The following MYCBP2 variants were observed in gnomAD, a reference collection of about 807,000 sequenced individuals.
MYCBP2 encodes MYC binding protein 2.
Under a neutral mutation model 525.3 loss-of-function variants are expected in MYCBP2, and 120 were observed. The ratio of observed to expected loss-of-function variants is 0.23; its 90% confidence interval spans 0.20 to 0.27. MYCBP2 has a LOEUF of 0.27. Among genes scored for constraint, MYCBP2 ranks in the 10% least tolerant of loss-of-function variants. MYCBP2 has a pLI of 1.00. For synonymous variants in MYCBP2, 1,894 were observed against 1,955.8 expected (o/e 0.97, Z 0.83); for missense variants, 4,149 against 5,657.1 (o/e 0.73, Z 8.55).
intron 14 of MYCBP2, among the ~76,000 whole-genome samples, chr13:77,256,960 A>G (rs569030420): frequency 6.6e-6 from 1 of 152,306 alleles, no homozygotes; most frequent in Non-Finnish European, 1.5e-5. Context: ...TATTCACAAT[A>G]GCCAAGATTT....
At chr13:77,154,055 T>C (rs1314935926) in intron 46 of MYCBP2, among the ~76,000 whole-genome samples, 1 of 152,196 alleles carries the variant, frequency 6.6e-6, no homozygotes, top group Admixed American at 6.5e-5. Context: ...AATAATTAGC[T>C]ATTACTGCAT....
intron 43 of MYCBP2, among the ~76,000 whole-genome samples, chr13:77,164,202 T>C (rs1169311305): frequency 6.6e-6 from 1 of 152,176 alleles, no homozygotes; most frequent in African/African-American, 2.4e-5. Context: ...ATATACACAC[T>C]ATACCCACTG....
chr13:77,239,183 AATAAG>A (rs2068444093), intron 17 of MYCBP2, among the ~76,000 whole-genome samples: 1 of 152,222 alleles, frequency 6.6e-6, no homozygotes, highest in Non-Finnish European at 1.5e-5. Flanking sequence ...AGACTTGGTA[AATAAG>A]ATGAGACAGA....
At chr13:77,233,411 C>T (rs763000577) in intron 17 of MYCBP2, 148 bp from the exon 18 acceptor site, 2 of 587,958 alleles carry the variant, frequency 3.4e-6, no homozygotes, top group East Asian at 2.9e-5. Flanking sequence ...CCCACTCCAG[C>T]CCCCCACCCC....
intron 26 of MYCBP2, among the ~76,000 whole-genome samples, chr13:77,199,155 A>AGACAGTGGGAGCAG: frequency 6.6e-6 from 1 of 152,248 alleles, no homozygotes; most frequent in South Asian, 2.1e-4. Flanking sequence ...AGGGAGTGCC[A>AGACAGTGGGAGCAG]GACAGTGGGA....
At chr13:77,242,591 C>G (rs1218343379) in intron 17 of MYCBP2, among the ~76,000 whole-genome samples, 1 of 152,130 alleles carries the variant, frequency 6.6e-6, no homozygotes, top group Non-Finnish European at 1.5e-5. Context: ...ATGTGCTGAA[C>G]TGGAGGGCAG....
chr13:77,060,651 T>C (rs953507165), intron 76 of MYCBP2, among the ~76,000 whole-genome samples: 17 of 152,370 alleles, frequency 1.1e-4, no homozygotes, highest in South Asian at 4.1e-4. Context: ...TTTTGTTTTA[T>C]GTCTATTCAT....
At chr13:77,265,864 C>T (rs2073992489) in intron 8 of MYCBP2, among the ~76,000 whole-genome samples, 1 of 152,098 alleles carries the variant, frequency 6.6e-6, no homozygotes, top group African/African-American at 2.4e-5. Flanking sequence ...ATATTTTAAG[C>T]TTGTATCTTC....
chr13:77,186,172 T>C (rs2060695112), intron 30 of MYCBP2, 109 bp from the exon 31 acceptor site: 1 of 758,550 alleles, frequency 1.3e-6, no homozygotes, highest in Non-Finnish European at 1.9e-6. Context: ...TTTGAATTTT[T>C]TTACTGAGTT....
In MYCBP2 at chr13:77,278,872, T is replaced by C; in HGVS notation, c.634A>G (p.Lys212Glu). 6.3e-7 allele frequency: 1 copy of C among 1,596,434 alleles called. No individual in the cohort carries two copies. The highest frequency in any genetic ancestry group is 1.4e-5 in the African/African-American group (1 of 73,952). The change falls in exon 4 of 83, where the codon AAA (lysine) becomes GAA (glutamate). Residue 212 changes from lysine (K) to glutamate (E), a missense_variant. Coordinates refer to ENST00000544440, the MANE Select transcript of MYCBP2 (RefSeq NM_015057.5). ...GATGGATGAGAAAATCGTGTCTCTT[T>C]GATCAATTCAAAAACTTCACAAAGG... is the stretch of plus-strand genomic sequence containing the variant. ...VGLCEVFELI[K>E]ETRFSHPSLC...
chr13:77,065,508 A>C (rs1003931814), intron 72 of MYCBP2, among the ~76,000 whole-genome samples: 2 of 152,232 alleles, frequency 1.3e-5, no homozygotes, highest in Non-Finnish European at 2.9e-5. Context: ...GCAACTAATC[A>C]GAGCCAGGCA....
chr13:77,088,865 T>C lies in MYCBP2; in HGVS notation c.10692A>G (p.Leu3564=). The C allele has an allele frequency of 6.2e-7, 1 of 1,612,872 alleles. No homozygotes were observed. The highest frequency in any genetic ancestry group is 2.2e-5 in the East Asian group (1 of 44,822). Residue 3564 remains leucine (L), a synonymous_variant, in exon 61 of 83, where the codon CTA becomes CTG. Transcript: ENST00000544440. Reference sequence around the variant, plus strand: ...CAAAAACTCGACAAGCAGATTTCCTTAGGGCCTGTTTCATTGCTATTTCAA... The same window carrying C: ...CAAAAACTCGACAAGCAGATTTCCTCAGGGCCTGTTTCATTGCTATTTCAA... ...EGLEIAMKQA[L]RKSACRVFAM...
chr13:77,318,034 CT>C (rs1229511155), intron 1 of MYCBP2, among the ~76,000 whole-genome samples: 15 of 152,056 alleles, frequency 9.9e-5, no homozygotes, highest in African/African-American at 3.6e-4. Context: ...GAAATGATCC[CT>C]GTAGTAGAGG....
intron 82 of MYCBP2, among the ~76,000 whole-genome samples, chr13:77,046,653 C>A (rs2035622197): frequency 6.6e-6 from 1 of 152,126 alleles, no homozygotes. Flanking sequence ...AAAGTAAGTT[C>A]TGTACAAGAG....
At chr13:77,048,309 C>T (rs922750657) in intron 82 of MYCBP2, among the ~76,000 whole-genome samples, 33 of 152,164 alleles carry the variant, frequency 2.2e-4, no homozygotes, top group African/African-American at 5.8e-4. Context: ...AGATCTTAGA[C>T]TTCCTGGTCT....
chr13:77,082,291 A>T, intron 63 of MYCBP2: 1 of 245,512 alleles, frequency 4.1e-6, no homozygotes, highest in Non-Finnish European at 7.9e-6. Flanking sequence ...TATTGTGTAA[A>T]CAAGTGGTAC....
chr13:77,188,427 AC>A (rs2060962058), intron 30 of MYCBP2, among the ~76,000 whole-genome samples: 1 of 152,212 alleles, frequency 6.6e-6, no homozygotes, highest in African/African-American at 2.4e-5. Flanking sequence ...CTCAATTAAT[AC>A]ATGAGAGATC....
At chr13:77,207,710 T>A (rs2063512029) in intron 23 of MYCBP2, among the ~76,000 whole-genome samples, 1 of 152,332 alleles carries the variant, frequency 6.6e-6, no homozygotes, top group Middle Eastern at 3.4e-3. Context: ...GCATTAATAT[T>A]ATTGCATTAT....
intron 14 of MYCBP2, among the ~76,000 whole-genome samples, chr13:77,255,830 T>C (rs1286966774): frequency 6.6e-6 from 1 of 152,024 alleles, no homozygotes; most frequent in Admixed American, 6.6e-5. Flanking sequence ...CCAGGTTTTG[T>C]TAATTTATAC....
Sources: allele counts gnomAD v4.1 joint callset (sites outside exome capture counted in the v4.1 genomes callset), GRCh38; gene constraint gnomAD v4.1.1; transcripts MANE v1.5; gene names NCBI Gene and HGNC (gene_info 2026-07-23, HGNC 2026-07-21).